The following CUX2 variants were observed in gnomAD, a reference collection of about 807,000 sequenced individuals.
The protein encoded by CUX2 is cut like homeobox 2.
In CUX2, 40 loss-of-function variants were observed where a neutral mutation model predicts 144.8. That is an observed-to-expected ratio of 0.28 (90% CI 0.21 to 0.36). The LOEUF is 0.36. Among genes scored for constraint, CUX2 ranks in the 10% least tolerant of loss-of-function variants. The pLI, the probability that CUX2 is intolerant of heterozygous loss-of-function variation, is 1.00. For synonymous variants in CUX2, 827 were observed against 875.6 expected (o/e 0.94, Z 0.98); for missense variants, 1,615 against 1,994.0 (o/e 0.81, Z 3.62).
Position 111,178,937 on chromosome 12 carries a change from C to A in CUX2, c.64-35263C>A, listed in dbSNP as rs996177415. Reference sequence around the variant, plus strand: ...ACAGCAAGGGGGTCAGCGGTCGGCGCAGGGGAAAGCAGGGCTGAGAGAGGC... The same window carrying A: ...ACAGCAAGGGGGTCAGCGGTCGGCGAAGGGGAAAGCAGGGCTGAGAGAGGC... On this transcript the variant is annotated intron_variant, in intron 1 of 21. Transcript: ENST00000261726. This position sits in a 1 kb window ranked among gnomAD's most constrained non-coding sequence, Gnocchi z 5.7. 6.6e-6 allele frequency among the ~76,000 whole-genome samples: 1 copy of A among 152,104 alleles called. No homozygotes were observed. Among genetic ancestry groups the A allele is most frequent in the South Asian group, 2.1e-4 (1 of 4,832 alleles).
In CUX2 at chr12:111,310,294, G is replaced by A; in HGVS notation, c.1512G>A (p.Leu504=). Residue 504 remains leucine (L), a synonymous_variant, in exon 15 of 22, where the codon CTG becomes CTA. Coordinates refer to ENST00000261726, the MANE Select transcript of CUX2 (RefSeq NM_015267.4). The surrounding 1 kb of genome is among the most constrained non-coding windows in gnomAD (Gnocchi z 7.9). ...PAAFKGEAGG[L]LVFPPAFYGA... ...CCTTCAAGGGAGAGGCGGGCGGCCTGCTGGTGTTCCCCCCAGCCTTCTATG... is the reference window on the plus strand; with the variant it reads ...CCTTCAAGGGAGAGGCGGGCGGCCTACTGGTGTTCCCCCCAGCCTTCTATG... 6.7e-7 allele frequency: 1 copy of A among 1,492,472 alleles called. No homozygotes were observed. Among genetic ancestry groups the A allele is most frequent in the Admixed American group, 2.3e-5 (1 of 43,544 alleles). The allele number at this position is 1,492,472 out of a possible 1,614,324, so 92.5% of individuals were successfully genotyped here.
At chr12:111,193,350 A>G (rs1416872745) in intron 1 of CUX2, among the ~76,000 whole-genome samples, 1 of 152,230 alleles carries the variant, frequency 6.6e-6, no homozygotes, top group African/African-American at 2.4e-5. Context: ...AAACAATTTG[A>G]AATAATTAGA....
chr12:111,177,076 AACC>A (rs1878899462), intron 1 of CUX2, among the ~76,000 whole-genome samples: 1 of 152,130 alleles, frequency 6.6e-6, no homozygotes, highest in African/African-American at 2.4e-5. Context: ...CCTGCTTGAG[AACC>A]ACTGTTCTAG....
At chr12:111,045,248 C>T (rs1180555643) in intron 1 of CUX2, among the ~76,000 whole-genome samples, 3 of 152,090 alleles carry the variant, frequency 2.0e-5, no homozygotes, top group African/African-American at 4.8e-5. Flanking sequence ...CGTTTATAAT[C>T]GGGGGGAGAC....
chr12:111,084,605 C>G (rs181271351), intron 1 of CUX2, among the ~76,000 whole-genome samples: 1 of 151,624 alleles, frequency 6.6e-6, no homozygotes, highest in Admixed American at 6.6e-5. Flanking sequence ...AGTATTTTAA[C>G]GCTTACACTT....
At position 111,151,514 on chromosome 12, in the gene CUX2, G is replaced by A. The variant is rs377065281; in HGVS notation, c.64-62686G>A. Among the ~76,000 whole-genome samples, 5 of 152,206 alleles carry A rather than the reference G, an allele frequency of 3.3e-5. No individual in the cohort carries two copies. In the East Asian group the frequency reaches 7.7e-4, roughly 23 times the overall value. ...GGTATATATCTCAAAGTGATATACA[G>A]CACTGACAGGGAGAATTCGCAGTTT... On this transcript the variant is annotated intron_variant, in intron 1 of 21. Coordinates refer to ENST00000261726, the MANE Select transcript of CUX2 (RefSeq NM_015267.4).
chr12:111,308,308 C>A lies in CUX2; in HGVS notation c.1133C>A (p.Ala378Asp). ...ELSILKAMKL[A>D]SSTCSLPQGM... ...AGCATCCTGAAAGCCATGAAGCTGG[C>A]CTCCAGCACCTGCAGCCTCCCCCAG... Residue 378 changes from alanine (A) to aspartate (D), a missense_variant, in exon 13 of 22, where the codon GCC (alanine) becomes GAC (aspartate). Around this residue, in one of 12 missense-constraint regions of CUX2, gnomAD observed 57 missense variants for 60.8 expected, o/e 0.94. Coordinates refer to ENST00000261726, the MANE Select transcript of CUX2 (RefSeq NM_015267.4). The A allele has an allele frequency of 6.2e-7, 1 of 1,614,158 alleles. No homozygotes were observed. Among genetic ancestry groups the A allele is most frequent in the African/African-American group, 1.3e-5 (1 of 75,038 alleles).
chr12:111,347,352 G>A (rs138956916), intron 21 of CUX2, among the ~76,000 whole-genome samples, 172 bp from the exon 22 acceptor site: 4 of 152,266 alleles, frequency 2.6e-5, no homozygotes, highest in East Asian at 1.9e-4. Flanking sequence ...TAATAATAGC[G>A]CCCACCTTGT....
intron 20 of CUX2, 110 bp from the exon 21 acceptor site, chr12:111,341,670 G>A (rs1264052035): frequency 7.7e-7 from 1 of 1,293,654 alleles, no homozygotes; most frequent in Non-Finnish European, 1.1e-6. Context: ...AGGGCATGAT[G>A]GCCTCCGAGT....
intron 16 of CUX2, among the ~76,000 whole-genome samples, chr12:111,315,473 C>T (rs1174430428): frequency 6.6e-6 from 1 of 152,188 alleles, no homozygotes; most frequent in East Asian, 1.9e-4. Flanking sequence ...AATCCCAACA[C>T]TTTGGAAGGC....
intron 3 of CUX2, among the ~76,000 whole-genome samples, chr12:111,244,291 G>A (rs887167578): frequency 3.9e-5 from 6 of 152,152 alleles, no homozygotes; most frequent in South Asian, 2.1e-4. Flanking sequence ...TGAGAAAGTC[G>A]GCCTAGAGAG....
intron 15 of CUX2, among the ~76,000 whole-genome samples, 200 bp from the exon 16 acceptor site, chr12:111,311,900 G>A (rs768705092): frequency 3.9e-5 from 6 of 152,036 alleles, no homozygotes; most frequent in East Asian, 1.9e-4. Context: ...GCCTGGCCTC[G>A]TTATTATGAT....
chr12:111,289,618 G>A lies in CUX2; in HGVS notation c.302-1800G>A, dbSNP rs375788021. 1.1e-4 allele frequency among the ~76,000 whole-genome samples: 17 copies of A among 152,268 alleles called. No individual in the cohort carries two copies. The highest frequency in any genetic ancestry group is 2.1e-4 in the South Asian group (1 of 4,824). ...AGTGTAAGGAAGCGGATGTGCTTGC[G>A]GTGTAAAGGGCTGGGAGAGGGAACC... On this transcript the variant is annotated intron_variant, in intron 4 of 21. Transcript: ENST00000261726. The surrounding 1 kb of genome is among the most constrained non-coding windows in gnomAD (Gnocchi z 4.1).
chr12:111,314,326 G>GC (rs142244992), intron 16 of CUX2, among the ~76,000 whole-genome samples: 55,549 of 151,158 alleles, frequency 0.37, 14,672 homozygotes, highest in East Asian at 0.8. Flanking sequence ...ACCTGCCTCG[G>GC]CTCCCAAAGT....
At chr12:111,243,245 C>T (rs1431298478) in intron 3 of CUX2, among the ~76,000 whole-genome samples, 1 of 152,154 alleles carries the variant, frequency 6.6e-6, no homozygotes, top group Non-Finnish European at 1.5e-5. Context: ...TCCTCTCACA[C>T]CTCTAGATTA....
At position 111,215,687 on chromosome 12, in the gene CUX2, G is replaced by A. The variant is rs547284456; in HGVS notation, c.174+1377G>A. Among the ~76,000 whole-genome samples the A allele has an allele frequency of 7.0e-4, 106 of 152,262 alleles. 3 individuals carry two copies. Among genetic ancestry groups the A allele is most frequent in the South Asian group, 4.6e-3 (22 of 4,820 alleles). On this transcript the variant is annotated intron_variant, in intron 2 of 21. Transcript: ENST00000261726. ...TTGGTCTGGAAACTCCCCAGAATGAGGTTACCTTTGACTCTCCTTTGACTC... is the reference window on the plus strand; with the variant it reads ...TTGGTCTGGAAACTCCCCAGAATGAAGTTACCTTTGACTCTCCTTTGACTC...
intron 1 of CUX2, among the ~76,000 whole-genome samples, chr12:111,113,039 A>G (rs1459896452): frequency 2.0e-5 from 3 of 152,220 alleles, no homozygotes. Flanking sequence ...GGAGGAAAGC[A>G]TAGGAGCTTG....
At chr12:111,151,098 AGTC>A (rs1877025370) in intron 1 of CUX2, among the ~76,000 whole-genome samples, 1 of 152,228 alleles carries the variant, frequency 6.6e-6, no homozygotes, top group Admixed American at 6.5e-5. Context: ...GAACTATAGC[AGTC>A]ATTTAACACT....
intron 3 of CUX2, among the ~76,000 whole-genome samples, chr12:111,220,007 G>T (rs1881755284): frequency 6.6e-6 from 1 of 152,080 alleles, no homozygotes; most frequent in African/African-American, 2.4e-5. Context: ...AGCCAGGTGT[G>T]GTAGTGGGCA....
Sources: gnomAD v4.1 joint callset for allele counts (sites outside exome capture counted in the v4.1 genomes callset) on GRCh38, gnomAD v4.1.1 for gene constraint, gnomAD v4.1.1 regional missense constraint, Gnocchi (gnomAD v3.1) non-coding constraint, MANE v1.5 for transcripts, NCBI Gene and HGNC (gene_info 2026-07-23, HGNC 2026-07-21) for gene names.